The following TMCO5A variants were observed in gnomAD, a reference collection of about 807,000 sequenced individuals.
TMCO5A encodes the protein transmembrane and coiled-coil domain-containing protein 5A.
Under a neutral mutation model 42.3 loss-of-function variants are expected in TMCO5A, and 34 were observed. That is an observed-to-expected ratio of 0.80 (90% CI 0.61 to 1.07). The LOEUF (loss-of-function observed/expected upper bound fraction) is 1.07. TMCO5A is among the 50% of genes least tolerant of loss of function. The probability of loss-of-function intolerance (pLI) is 0.00; values close to 1 mark genes in which losing one functional copy is unlikely to be tolerated. For missense variants in TMCO5A, 357 were observed against 327.9 expected, an observed-to-expected ratio of 1.09 and a Z score of -0.69; for synonymous variants, 131 against 115.6, an observed-to-expected ratio of 1.13 and a Z score of -0.86.
At chr15:37,979,602 A>C in the TMCO5A span, among the ~76,000 whole-genome samples, 22 of 152,278 alleles carry the variant, frequency 1.4e-4, 1 homozygote, top group South Asian at 4.6e-3. Context: ...GGCCTTGCCC[A>C]ATAAGGAGTA....
chr15:37,953,166 C>G (rs1890202704), downstream of TMCO5A, among the ~76,000 whole-genome samples: 1 of 152,174 alleles, frequency 6.6e-6, no homozygotes, highest in African/African-American at 2.4e-5. Flanking sequence ...GGACACAAGC[C>G]TGGTTGCTTT....
chr15:37,960,991 G>A (rs754498290), intron 11 of TMCO5A, among the ~76,000 whole-genome samples: 2 of 152,130 alleles, frequency 1.3e-5, no homozygotes, highest in Non-Finnish European at 2.9e-5. Context: ...TCTGTGGACT[G>A]TCTGTTTACT....
chr15:37,953,746 C>T (rs1050405503), downstream of TMCO5A, among the ~76,000 whole-genome samples: 1 of 151,998 alleles, frequency 6.6e-6, no homozygotes, highest in Non-Finnish European at 1.5e-5. Context: ...CCTGGAGAAA[C>T]AGAGATATGT....
chr15:38,014,723 C>G, the TMCO5A span, among the ~76,000 whole-genome samples: 1 of 151,774 alleles, frequency 6.6e-6, no homozygotes, highest in African/African-American at 2.4e-5. Flanking sequence ...TACTCTCCTT[C>G]TGCCTCTCAG....
the TMCO5A span, among the ~76,000 whole-genome samples, chr15:37,977,848 C>A: frequency 2.6e-5 from 4 of 152,184 alleles, no homozygotes; most frequent in African/African-American, 9.7e-5. Flanking sequence ...GGGAGACTGG[C>A]CTGGAGTGGG....
At chr15:37,971,769 T>G (rs192443027), downstream of TMCO5A, among the ~76,000 whole-genome samples, 49 of 152,312 alleles carry the variant, frequency 3.2e-4, no homozygotes, top group Admixed American at 1.4e-3. Flanking sequence ...CCAGTCTCTT[T>G]GCTAAAACAT....
At chr15:38,001,911 G>T in the TMCO5A span, among the ~76,000 whole-genome samples, 102 of 151,884 alleles carry the variant, frequency 6.7e-4, no homozygotes, top group African/African-American at 2.5e-3. Flanking sequence ...TTTTTGATAG[G>T]TTCATCTTTT....
At chr15:38,029,943 G>A in the TMCO5A span, among the ~76,000 whole-genome samples, 1 of 152,128 alleles carries the variant, frequency 6.6e-6, no homozygotes, top group African/African-American at 2.4e-5. Context: ...AATCGCAGCT[G>A]ATAATACACT....
chr15:37,965,576 A>G (rs1890536578), intron 11 of TMCO5A, among the ~76,000 whole-genome samples: 1 of 152,178 alleles, frequency 6.6e-6, no homozygotes, highest in African/African-American at 2.4e-5. Context: ...TAAGTCTAAT[A>G]ATCTGATTTA....
the TMCO5A span, among the ~76,000 whole-genome samples, chr15:38,039,555 C>T: frequency 1.3e-5 from 2 of 152,124 alleles, no homozygotes; most frequent in Non-Finnish European, 2.9e-5. Context: ...GAGTGGAACT[C>T]TGTTTCTTAC....
chr15:37,963,062 CT>C lies in TMCO5A; in HGVS notation c.669-3562del, dbSNP rs540716733. On this transcript the variant is annotated intron_variant, in intron 11 of 11. Coordinates refer to the TMCO5A transcript ENST00000559502. The stretch of plus-strand genomic sequence containing the variant: ...TGTTTCAATTACATTTAGTTCTGCT[CT>C]GATCTTTGTTATTTCCTTTCTTCTG... Among the ~76,000 whole-genome samples, 220 of 152,122 alleles carry C rather than the reference CT, an allele frequency of 1.4e-3. 2 individuals are homozygous for C. Among genetic ancestry groups the C allele is most frequent in the African/African-American group, 5.1e-3 (213 of 41,496 alleles).
chr15:37,947,564 A>G (rs757204108), intron 10 of TMCO5A, 92 bp from the exon 11 acceptor site: 3 of 838,026 alleles, frequency 3.6e-6, no homozygotes, highest in Non-Finnish European at 5.8e-6. Flanking sequence ...AGTTATCTAA[A>G]TAACATATAA....
chr15:37,944,812 T>G (rs901235800), intron 10 of TMCO5A, among the ~76,000 whole-genome samples: 1 of 152,118 alleles, frequency 6.6e-6, no homozygotes, highest in Admixed American at 6.6e-5. Flanking sequence ...TGAGAAAATA[T>G]TTTGAAACCA....
At chr15:37,991,858 A>G in the TMCO5A span, among the ~76,000 whole-genome samples, 1 of 152,164 alleles carries the variant, frequency 6.6e-6, no homozygotes, top group Non-Finnish European at 1.5e-5. Context: ...AAACCAACTT[A>G]AGATGGATTA....
At chr15:37,954,411 T>C (rs1890233911), downstream of TMCO5A, among the ~76,000 whole-genome samples, 1 of 152,130 alleles carries the variant, frequency 6.6e-6, no homozygotes, top group Admixed American at 6.6e-5. Flanking sequence ...ATATTTGAAA[T>C]GCTAGATGAA....
chr15:37,937,365 T>C lies in TMCO5A; in HGVS notation c.284T>C (p.Leu95Ser). The change falls in exon 5 of 12, where the codon TTG becomes TCG. Residue 95 changes from leucine to serine, a missense_variant. Leu to Ser is a moderately radical substitution (Grantham distance 145). Coordinates refer to ENST00000319669, the MANE Select transcript of TMCO5A (RefSeq NM_152453.4). ...TARLERKNKTLVHSITELQQK... is the reference protein window; with the variant it reads ...TARLERKNKTSVHSITELQQK... ...TCACAGGAAAGGAAGAATAAGACGTTGGTCCACAGTATAACAGAACTTCAA... is the reference window on the plus strand; with the variant it reads ...TCACAGGAAAGGAAGAATAAGACGTCGGTCCACAGTATAACAGAACTTCAA... 1.2e-6 allele frequency: 2 copies of C among 1,613,126 alleles called. No homozygotes were observed. Among genetic ancestry groups the C allele is most frequent in the Non-Finnish European group, 1.7e-6 (2 of 1,179,368 alleles).
At chr15:38,008,516 A>T in the TMCO5A span, among the ~76,000 whole-genome samples, 2 of 152,172 alleles carry the variant, frequency 1.3e-5, no homozygotes, top group Non-Finnish European at 2.9e-5. Context: ...TTGGGGAGAT[A>T]CTGCAATAAG....
chr15:38,037,107 T>C, the TMCO5A span, among the ~76,000 whole-genome samples: 4 of 152,266 alleles, frequency 2.6e-5, no homozygotes, highest in Admixed American at 6.5e-5. Context: ...TCATTGATGT[T>C]ACTTGTGGAA....
the TMCO5A span, among the ~76,000 whole-genome samples, chr15:37,999,006 A>G: frequency 6.6e-6 from 1 of 152,166 alleles, no homozygotes; most frequent in Non-Finnish European, 1.5e-5. Flanking sequence ...TCCCAGGTTC[A>G]AGCGATTCTC....
Sources: allele counts gnomAD v4.1 joint callset (sites outside exome capture counted in the v4.1 genomes callset), GRCh38; gene constraint gnomAD v4.1.1; transcripts MANE v1.5; gene names NCBI Gene and HGNC (gene_info 2026-07-23, HGNC 2026-07-21).